Variants in PCNX2 observed in about 807,000 individuals in gnomAD.
The protein encoded by PCNX2 is pecanex 2.
In PCNX2, 168 loss-of-function variants were observed where a neutral mutation model predicts 223.8. The observed-to-expected ratio is 0.75, with a 90% confidence interval of 0.66 to 0.85. The LOEUF (loss-of-function observed/expected upper bound fraction) is 0.85, where lower values mean the gene tolerates loss of function less well. Ranked by LOEUF, PCNX2 falls within the 40% of genes least tolerant of loss-of-function variation. The probability of loss-of-function intolerance (pLI) is 0.00; values close to 1 mark genes in which losing one functional copy is unlikely to be tolerated. For missense variants in PCNX2, 2,507 were observed against 2,675.5 expected, an observed-to-expected ratio of 0.94 and a Z score of 1.39; for synonymous variants, 1,006 against 1,052.6, an observed-to-expected ratio of 0.96 and a Z score of 0.86.
intron 8 of PCNX2, among the ~76,000 whole-genome samples, chr1:233,244,360 CCT>C (rs1393172532): frequency 6.6e-6 from 1 of 152,088 alleles, no homozygotes; most frequent in African/African-American, 2.4e-5. Flanking sequence ...GTCAGATTTT[CCT>C]CTGTTGTTAG....
intron 17 of PCNX2, among the ~76,000 whole-genome samples, chr1:233,172,739 C>G (rs1247298854): frequency 6.6e-6 from 1 of 152,176 alleles, no homozygotes; most frequent in Admixed American, 6.5e-5. Context: ...AGATTTTAAG[C>G]TGATAATTCC....
chr1:233,091,195 T>G (rs6664939), intron 22 of PCNX2, among the ~76,000 whole-genome samples: 17,789 of 152,154 alleles, frequency 0.12, 1,182 homozygotes, highest in African/African-American at 0.17. Context: ...TATTAGGACT[T>G]GGATCATTCT....
At chr1:233,190,402 T>C (rs1164016781) in intron 15 of PCNX2, among the ~76,000 whole-genome samples, 1 of 152,190 alleles carries the variant, frequency 6.6e-6, no homozygotes, top group Non-Finnish European at 1.5e-5. Context: ...CAGCATTTAA[T>C]AGGTGCTGCA....
intron 1 of PCNX2, among the ~76,000 whole-genome samples, chr1:233,268,978 A>G (rs923092632): frequency 6.6e-6 from 1 of 152,200 alleles, no homozygotes; most frequent in African/African-American, 2.4e-5. Flanking sequence ...AAAGAGGCCC[A>G]AGGCTGTGCA....
At chr1:233,290,045 A>C (rs748539222) in intron 1 of PCNX2, among the ~76,000 whole-genome samples, 5 of 151,924 alleles carry the variant, frequency 3.3e-5, no homozygotes, top group African/African-American at 7.3e-5. Context: ...AAAGAAGTAA[A>C]GGAGGAAGGA....
intron 9 of PCNX2, among the ~76,000 whole-genome samples, chr1:233,227,896 G>A (rs1657841444): frequency 6.6e-6 from 1 of 151,888 alleles, no homozygotes; most frequent in African/African-American, 2.4e-5. Flanking sequence ...CTAAAATGTG[G>A]AGAAATTTAG....
At chr1:233,199,102 G>A in intron 14 of PCNX2, 72 bp from the exon 15 acceptor site, 1 of 1,382,218 alleles carries the variant, frequency 7.2e-7, no homozygotes, top group South Asian at 1.3e-5. Flanking sequence ...AAACAGTGAA[G>A]AGATGGTTGC....
intron 15 of PCNX2, among the ~76,000 whole-genome samples, chr1:233,192,068 C>T (rs1026966140): frequency 6.6e-6 from 1 of 152,212 alleles, no homozygotes; most frequent in African/African-American, 2.4e-5. Flanking sequence ...TCATTTTCCT[C>T]TCTTCCTGTG....
In PCNX2 at chr1:233,161,282, G is replaced by A; in HGVS notation, c.3355C>T (p.Leu1119=). 1 of 1,613,580 alleles carries A rather than the reference G, an allele frequency of 6.2e-7. No individual in the cohort carries two copies. The highest frequency in any genetic ancestry group is 8.5e-7 in the Non-Finnish European group (1 of 1,179,558). ...TGGTGGATACATACTCGCAATGACA[G>A]GAATACAGTGCTGGCGCTGACTGCA... is the stretch of plus-strand genomic sequence containing the variant. ...SFAVSASTVF[L]SLRPFLSIVL... The change falls in exon 18 of 34, where the codon CTG becomes TTG. Residue 1119 remains leucine, a synonymous_variant. Transcript: ENST00000258229.
rs1331167691 is a variant in PCNX2, at chr1:232,991,589, C to T, written c.5792-5049G>A. ...TGTCATTAGTTAAGATGAGGTCATA[C>T]TGGAGTAGGATGGGCCCTGAGTCCA... On this transcript the variant is annotated intron_variant, in intron 32 of 33. Transcript: ENST00000258229. This position sits in a 1 kb window ranked among gnomAD's most constrained non-coding sequence, Gnocchi z 4.3. Among the ~76,000 whole-genome samples, 1 of 152,080 alleles carries T rather than the reference C, an allele frequency of 6.6e-6. No individual in the cohort carries two copies. Among genetic ancestry groups the T allele is most frequent in the Non-Finnish European group, 1.5e-5 (1 of 68,022 alleles).
At chr1:233,213,442 A>G (rs1267614145) in intron 12 of PCNX2, among the ~76,000 whole-genome samples, 1 of 152,204 alleles carries the variant, frequency 6.6e-6, no homozygotes, top group African/African-American at 2.4e-5. Flanking sequence ...ATTAATTGCA[A>G]CAAATGTATC....
At chr1:233,058,748 C>A (rs1162710948) in intron 23 of PCNX2, among the ~76,000 whole-genome samples, 1 of 147,912 alleles carries the variant, frequency 6.8e-6, no homozygotes, top group African/African-American at 2.5e-5. Context: ...TCATGGCAAC[C>A]TCCGCCTCCT....
chr1:233,057,773 G>C, intron 23 of PCNX2: 1 of 602,418 alleles, frequency 1.7e-6, no homozygotes. Context: ...TTGGGAGGCT[G>C]AACTTGAATC....
chr1:233,131,139 G>A (rs890481888), intron 21 of PCNX2, among the ~76,000 whole-genome samples: 19 of 152,176 alleles, frequency 1.2e-4, no homozygotes, highest in African/African-American at 4.3e-4. Flanking sequence ...TCTGTGAGGG[G>A]GGCTGCCAGG....
At chr1:233,185,608 C>T (rs896180393) in intron 15 of PCNX2, among the ~76,000 whole-genome samples, 3 of 152,140 alleles carry the variant, frequency 2.0e-5, no homozygotes, top group Non-Finnish European at 2.9e-5. Context: ...TATTTCAGTG[C>T]TTGTTGCCTA....
chr1:233,317,105 A>T, the PCNX2 span, among the ~76,000 whole-genome samples: 1 of 152,194 alleles, frequency 6.6e-6, no homozygotes. Flanking sequence ...GTTCATGATG[A>T]GTAAGTCAGA....
At chr1:233,153,274 C>T (rs1677927071) in intron 19 of PCNX2, among the ~76,000 whole-genome samples, 1 of 152,128 alleles carries the variant, frequency 6.6e-6, no homozygotes, top group East Asian at 1.9e-4. Flanking sequence ...GGACAAGCTT[C>T]ACTCCAAAAA....
At chr1:233,310,220 A>G in the PCNX2 span, among the ~76,000 whole-genome samples, 1 of 152,322 alleles carries the variant, frequency 6.6e-6, no homozygotes, top group South Asian at 2.1e-4. Context: ...AAATAAACCA[A>G]TATCTATCAT....
chr1:233,078,112 C>A (rs1038488565), intron 23 of PCNX2, among the ~76,000 whole-genome samples: 6 of 152,198 alleles, frequency 3.9e-5, no homozygotes, highest in African/African-American at 1.4e-4. Flanking sequence ...CTCAGAGTCA[C>A]AAGATTAAAC....
Sources: gnomAD v4.1 joint callset for allele counts (sites outside exome capture counted in the v4.1 genomes callset) on GRCh38, gnomAD v4.1.1 for gene constraint, Gnocchi (gnomAD v3.1) non-coding constraint, MANE v1.5 for transcripts, NCBI Gene and HGNC (gene_info 2026-07-23, HGNC 2026-07-21) for gene names.